The following EPC1 variants were observed in gnomAD, a reference collection of about 807,000 sequenced individuals.
EPC1 encodes enhancer of polycomb homolog 1.
EPC1 carries 12 observed loss-of-function variants against 98.4 expected under a neutral mutation model. The observed-to-expected ratio is 0.12, with a 90% confidence interval of 0.08 to 0.20. EPC1 has a LOEUF of 0.20. Among genes scored for constraint, EPC1 ranks in the 10% least tolerant of loss-of-function variants. The pLI is 1.00. For synonymous variants in EPC1, 357 were observed against 363.9 expected, an observed-to-expected ratio of 0.98 and a Z score of 0.21; for missense variants, 729 against 990.5, an observed-to-expected ratio of 0.74 and a Z score of 3.54.
At chr10:32,302,281 A>C (rs1360258448) in intron 2 of EPC1, among the ~76,000 whole-genome samples, 1 of 152,124 alleles carries the variant, frequency 6.6e-6, no homozygotes, top group Non-Finnish European at 1.5e-5. Flanking sequence ...TATCTGACAA[A>C]GACACTGTGT....
intron 2 of EPC1, among the ~76,000 whole-genome samples, chr10:32,303,669 G>A (rs1217726208): frequency 6.6e-6 from 1 of 152,214 alleles, no homozygotes. Context: ...TTATAAAGAA[G>A]TAAGAAGAGG....
intron 1 of EPC1, chr10:32,345,290 T>C: frequency 1.0e-6 from 1 of 985,462 alleles, no homozygotes; most frequent in Non-Finnish European, 1.2e-6. Context: ...ACTTGGCTTA[T>C]CTGTAAAGTT....
intron 1 of EPC1, chr10:32,344,973 A>T (rs73247754): frequency 0.023 from 5,122 of 221,196 alleles, 281 homozygotes; most frequent in African/African-American, 0.11. Flanking sequence ...GTCTTGCTTT[A>T]ATCAAGGCTT....
intron 1 of EPC1, among the ~76,000 whole-genome samples, chr10:32,324,765 C>G (rs11597135): frequency 0.29 from 44,476 of 151,806 alleles, 6,672 homozygotes; most frequent in South Asian, 0.4. Flanking sequence ...AGGCCGAGGT[C>G]GGCGGATCAC....
intron 2 of EPC1, among the ~76,000 whole-genome samples, chr10:32,297,229 T>A (rs1230428131): frequency 2.0e-5 from 3 of 151,806 alleles, no homozygotes; most frequent in African/African-American, 4.8e-5. Flanking sequence ...AAATAGGTCA[T>A]CTTTTCTAAT....
At chr10:32,355,086 G>C (rs1839233264) in intron 1 of EPC1, among the ~76,000 whole-genome samples, 1 of 152,198 alleles carries the variant, frequency 6.6e-6, no homozygotes, top group Non-Finnish European at 1.5e-5. Flanking sequence ...CATAGGGGGA[G>C]CACTCCCTCC....
At chr10:32,289,693 G>A (rs572057631) in intron 6 of EPC1, among the ~76,000 whole-genome samples, 1 of 151,274 alleles carries the variant, frequency 6.6e-6, no homozygotes, top group Admixed American at 6.6e-5. Context: ...GCGCGATCTC[G>A]GCTCACTGCA....
intron 1 of EPC1, among the ~76,000 whole-genome samples, chr10:32,373,348 T>C (rs1029829865): frequency 6.6e-6 from 1 of 152,232 alleles, no homozygotes; most frequent in African/African-American, 2.4e-5. Flanking sequence ...ATTTTTAAAA[T>C]TAGCCCACAA....
chr10:32,360,288 G>A (rs1457421672), intron 1 of EPC1, among the ~76,000 whole-genome samples: 1 of 152,204 alleles, frequency 6.6e-6, no homozygotes, highest in Non-Finnish European at 1.5e-5. Flanking sequence ...TCTACAAGGA[G>A]CCCTGTTGCC....
intron 1 of EPC1, among the ~76,000 whole-genome samples, chr10:32,375,748 A>G (rs1288028144): frequency 6.6e-6 from 1 of 152,076 alleles, no homozygotes; most frequent in Admixed American, 6.5e-5. Context: ...TGTTCAAGAA[A>G]GAAATAAGTG....
At chr10:32,292,379 CTAT>C in intron 5 of EPC1, 114 bp downstream of exon 5, 1 of 723,764 alleles carries the variant, frequency 1.4e-6, no homozygotes. Context: ...TTTAAAGTCT[CTAT>C]TATTAAAAAA....
intron 1 of EPC1, among the ~76,000 whole-genome samples, chr10:32,376,549 A>C (rs1044065676): frequency 6.6e-6 from 1 of 152,086 alleles, no homozygotes; most frequent in African/African-American, 2.4e-5. Context: ...GTTACAGTGA[A>C]CATTTTCACA....
intron 11 of EPC1, among the ~76,000 whole-genome samples, chr10:32,272,450 C>G (rs796073250): frequency 9.2e-5 from 14 of 152,280 alleles, no homozygotes; most frequent in African/African-American, 3.4e-4. Flanking sequence ...AATGTGGAAA[C>G]AGCAAACCTC....
At position 32,268,943 on chromosome 10, in the gene EPC1, C is replaced by T. The variant is rs577982078; in HGVS notation, c.*120G>A. On this transcript the variant is annotated 3_prime_UTR_variant, in exon 14 of 14. Transcript: ENST00000319778. Reference sequence around the variant, plus strand: ...AAGCATGAGAGATGAGCATTGCTGTCAAGTCCCCACAGCTGCCACAGAAAC... The same window carrying T: ...AAGCATGAGAGATGAGCATTGCTGTTAAGTCCCCACAGCTGCCACAGAAAC... 3 of 784,832 alleles carry T rather than the reference C, an allele frequency of 3.8e-6. No individual in the cohort carries two copies. In the East Asian group the frequency reaches 7.8e-5, roughly 20 times the overall value. The allele number at this position is 784,832 out of a possible 1,614,324, so 48.6% of individuals were successfully genotyped here.
intron 1 of EPC1, among the ~76,000 whole-genome samples, chr10:32,360,894 C>CA (rs34674243): frequency 0.96 from 137,183 of 142,914 alleles, 65,887 homozygotes; most frequent in Middle Eastern, 1. Context: ...ACTCCATCTC[C>CA]AAAAAAAAAA....
chr10:32,275,070 G>A (rs1288399844), intron 10 of EPC1, among the ~76,000 whole-genome samples: 2 of 152,150 alleles, frequency 1.3e-5, no homozygotes, highest in Non-Finnish European at 2.9e-5. Context: ...TGGAAGGTCA[G>A]GTCATCACAT....
At chr10:32,314,862 C>T (rs1836463169) in intron 1 of EPC1, among the ~76,000 whole-genome samples, 1 of 152,240 alleles carries the variant, frequency 6.6e-6, no homozygotes, top group East Asian at 1.9e-4. Flanking sequence ...GCTGCTATCG[C>T]CATTCCTCAT....
intron 1 of EPC1, among the ~76,000 whole-genome samples, chr10:32,311,176 G>T (rs200417158): frequency 6.6e-6 from 1 of 152,144 alleles, no homozygotes; most frequent in East Asian, 1.9e-4. Context: ...AGCCGGGTGT[G>T]GTGGTGGGCG....
intron 13 of EPC1, 125 bp downstream of exon 13, chr10:32,271,429 A>G: frequency 9.4e-7 from 1 of 1,067,238 alleles, no homozygotes; most frequent in East Asian, 2.4e-5. Context: ...TCAATTCTCA[A>G]CTATACATTT....
Sources: gnomAD v4.1 joint callset for allele counts (sites outside exome capture counted in the v4.1 genomes callset) on GRCh38, gnomAD v4.1.1 for gene constraint, MANE v1.5 for transcripts, NCBI Gene and HGNC (gene_info 2026-07-23, HGNC 2026-07-21) for gene names.